RAB15: variants seen among roughly 807,000 people sequenced by gnomAD.
The protein encoded by RAB15 is RAB15, member RAS oncogene family, also known as ras-related protein Rab-15.
Under a neutral mutation model 31.8 loss-of-function variants are expected in RAB15, and 13 were observed. That is an observed-to-expected ratio of 0.41 (90% CI 0.27 to 0.65). The LOEUF (loss-of-function observed/expected upper bound fraction) is 0.65, where lower values mean the gene tolerates loss of function less well. RAB15 is among the 30% of genes least tolerant of loss of function. The pLI is 0.32. For missense variants in RAB15, 220 were observed against 277.3 expected (o/e 0.79, Z 1.47); for synonymous variants, 100 against 105.6 (o/e 0.95, Z 0.33).
chr14:64,951,793 CCCA>C lies in RAB15; in HGVS notation c.186-133_186-131del. The C allele has an allele frequency of 1.3e-6, 1 of 773,764 alleles. No individual in the cohort carries two copies. The allele number at this position is 773,764 out of a possible 1,614,324, so 47.9% of individuals were successfully genotyped here. ...GTGAAAAACCAGGGATGCTTGGATC[CCCA>C]CAGGGATCTGCAGTCAGAGGCCTGG... is the stretch of plus-strand genomic sequence containing the variant. On this transcript the variant is annotated intron_variant, in intron 2 of 6. Transcript: ENST00000533601. The surrounding 1 kb of genome is among the most constrained non-coding windows in gnomAD (Gnocchi z 7.2).
rs1196898552 is a variant in RAB15, at chr14:64,968,256, C to T, written c.124+3697G>A. Among the ~76,000 whole-genome samples, 1 of 152,104 alleles carries T rather than the reference C, an allele frequency of 6.6e-6. No individual in the cohort carries two copies. Among genetic ancestry groups the T allele is most frequent in the Non-Finnish European group, 1.5e-5 (1 of 68,006 alleles). On this transcript the variant is annotated intron_variant, in intron 1 of 6. Transcript: ENST00000533601. The surrounding 1 kb of genome is among the most constrained non-coding windows in gnomAD (Gnocchi z 4.9). ...CTGTTGCATCTAAACTGCCTAGAGC[C>T]CCACGGACACCTACTCAATCCCACC...
chr14:64,950,297 G>C lies in RAB15; in HGVS notation c.414+28C>G, dbSNP rs774052724. On this transcript the variant is annotated intron_variant, in intron 5 of 6. Coordinates refer to ENST00000533601, the MANE Select transcript of RAB15 (RefSeq NM_001308154.2). The surrounding 1 kb of genome is among the most constrained non-coding windows in gnomAD (Gnocchi z 5.6). ...CCTGGAGGCCCAGCAGAGGACCTGG[G>C]GTGGACTTGCCTTTTCCCTCCACTT... is the stretch of plus-strand genomic sequence containing the variant. 45 of 1,586,000 alleles carry C rather than the reference G, an allele frequency of 2.8e-5. No homozygotes were observed. Among genetic ancestry groups the C allele is most frequent in the Non-Finnish European group, 3.9e-5 (45 of 1,154,916 alleles).
chr14:64,962,265 C>T lies in RAB15; in HGVS notation c.124+9688G>A, dbSNP rs548325557. Among the ~76,000 whole-genome samples, 17 of 152,254 alleles carry T rather than the reference C, an allele frequency of 1.1e-4. No homozygotes were observed. The highest frequency in any genetic ancestry group is 4.2e-4 in the South Asian group (2 of 4,816). ...AAAAAACAGTCCCAAGAAACCAATACGACCTATAACTTCCCTCAGGGAAGA... is the reference window on the plus strand; with the variant it reads ...AAAAAACAGTCCCAAGAAACCAATATGACCTATAACTTCCCTCAGGGAAGA... On this transcript the variant is annotated intron_variant, in intron 1 of 6. Coordinates refer to ENST00000533601, the MANE Select transcript of RAB15 (RefSeq NM_001308154.2). The surrounding 1 kb of genome is among the most constrained non-coding windows in gnomAD (Gnocchi z 4.2).
intron 5 of RAB15, among the ~76,000 whole-genome samples, chr14:64,949,309 G>A (rs905140434): frequency 6.6e-6 from 1 of 152,248 alleles, no homozygotes; most frequent in African/African-American, 2.4e-5. Flanking sequence ...CAATGACCAT[G>A]TCTTATATTT....
chr14:64,966,704 A>G (rs1329200119), intron 1 of RAB15, among the ~76,000 whole-genome samples: 1 of 152,164 alleles, frequency 6.6e-6, no homozygotes, highest in Admixed American at 6.5e-5. Flanking sequence ...AAGCACAAAG[A>G]TGTCATCAAA....
chr14:64,962,146 CG>C lies in RAB15; in HGVS notation c.125-9576del, dbSNP rs1423929441. On this transcript the variant is annotated intron_variant, in intron 1 of 6. Transcript: ENST00000533601. The surrounding 1 kb of genome is among the most constrained non-coding windows in gnomAD (Gnocchi z 4.2). ...ATGAGAATCGCTTGAACCTGGGAGG[CG>C]GAAGTTGCAGTGAGCCAAGATTGTG... Among the ~76,000 whole-genome samples the C allele has an allele frequency of 1.3e-5, 2 of 151,746 alleles. No individual in the cohort carries two copies. Among genetic ancestry groups the C allele is most frequent in the Non-Finnish European group, 2.9e-5 (2 of 67,942 alleles).
rs932401427 is a variant in RAB15, at chr14:64,953,563, C to T, written c.125-992G>A. On this transcript the variant is annotated intron_variant, in intron 1 of 6. Transcript: ENST00000533601. This position sits in a 1 kb window ranked among gnomAD's most constrained non-coding sequence, Gnocchi z 4.6. ...GGAGGAGCTAAGCTGCCACGAGACA[C>T]AAGAAACCGAAGGGATTTGGCAAAT... Among the ~76,000 whole-genome samples, 2 of 152,198 alleles carry T rather than the reference C, an allele frequency of 1.3e-5. No homozygotes were observed. Among genetic ancestry groups the T allele is most frequent in the Non-Finnish European group, 2.9e-5 (2 of 68,044 alleles).
intron 5 of RAB15, among the ~76,000 whole-genome samples, chr14:64,949,664 A>T (rs1886121684): frequency 6.7e-6 from 1 of 149,896 alleles, no homozygotes; most frequent in Non-Finnish European, 1.5e-5. Context: ...CAGAGGTTGC[A>T]GTGAGCCGAG....
In RAB15 at chr14:64,953,306, A is replaced by G. The variant is rs892912422; in HGVS notation, c.125-735T>C. ...AGCGTCCATTTCTGCCTCAGTAAAT[A>G]TCTTCATCAGGGACATTACCAGTAT... is the stretch of plus-strand genomic sequence containing the variant. On this transcript the variant is annotated intron_variant, in intron 1 of 6. Transcript: ENST00000533601. This position sits in a 1 kb window ranked among gnomAD's most constrained non-coding sequence, Gnocchi z 4.6. 1.3e-5 allele frequency among the ~76,000 whole-genome samples: 2 copies of G among 152,214 alleles called. No individual in the cohort carries two copies. Among genetic ancestry groups the G allele is most frequent in the Non-Finnish European group, 2.9e-5 (2 of 68,046 alleles).
At chr14:64,959,402 C>A (rs1886738382) in intron 1 of RAB15, among the ~76,000 whole-genome samples, 1 of 152,152 alleles carries the variant, frequency 6.6e-6, no homozygotes, top group South Asian at 2.1e-4. Context: ...CTCCTTACTG[C>A]CCCCTATTTT....
At chr14:64,959,504 A>C (rs1297983883) in intron 1 of RAB15, among the ~76,000 whole-genome samples, 4 of 152,202 alleles carry the variant, frequency 2.6e-5, no homozygotes, top group African/African-American at 4.8e-5. Flanking sequence ...GCTCGTTTTT[A>C]AAATCTCTGC....
chr14:64,951,284 T>G lies in RAB15; in HGVS notation c.247-133A>C. 1.3e-6 allele frequency: 1 copy of G among 746,528 alleles called. No homozygotes were observed. The highest frequency in any genetic ancestry group is 1.7e-5 in the South Asian group (1 of 57,742). The allele number at this position is 746,528 out of a possible 1,614,324, so 46.2% of individuals were successfully genotyped here. On this transcript the variant is annotated intron_variant, in intron 3 of 6. Transcript: ENST00000533601. This position sits in a 1 kb window ranked among gnomAD's most constrained non-coding sequence, Gnocchi z 7.2. ...CCTGCTCAGCATCCAGAAATATCTC[T>G]TCTCTCAGACCCCACCACTGCCGCC... is the stretch of plus-strand genomic sequence containing the variant.
At position 64,962,079 on chromosome 14, in the gene RAB15, G is replaced by A. The variant is rs1056613737; in HGVS notation, c.125-9508C>T. On this transcript the variant is annotated intron_variant, in intron 1 of 6. Coordinates refer to ENST00000533601, the MANE Select transcript of RAB15 (RefSeq NM_001308154.2). The surrounding 1 kb of genome is among the most constrained non-coding windows in gnomAD (Gnocchi z 4.2). ...AAAATACAAAAATTAGCTGGTCGTG[G>A]TGGCAGGCTCCTGGAATCCCAGCTA... 3.9e-5 allele frequency among the ~76,000 whole-genome samples: 6 copies of A among 152,148 alleles called. No individual in the cohort carries two copies. The highest frequency in any genetic ancestry group is 1.4e-4 in the African/African-American group (6 of 41,414).
chr14:64,966,603 CA>C (rs1002536644), intron 1 of RAB15, among the ~76,000 whole-genome samples: 1 of 151,982 alleles, frequency 6.6e-6, no homozygotes, highest in Non-Finnish European at 1.5e-5. Flanking sequence ...AGGGCTCTGC[CA>C]AGTGCTTTAT....
In RAB15 at chr14:64,955,114, A is replaced by C. The variant is rs541663509; in HGVS notation, c.125-2543T>G. 1.3e-5 allele frequency among the ~76,000 whole-genome samples: 2 copies of C among 152,094 alleles called. No individual in the cohort carries two copies. Among genetic ancestry groups the C allele is most frequent in the African/African-American group, 4.8e-5 (2 of 41,398 alleles). On this transcript the variant is annotated intron_variant, in intron 1 of 6. Coordinates refer to ENST00000533601, the MANE Select transcript of RAB15 (RefSeq NM_001308154.2). This position sits in a 1 kb window ranked among gnomAD's most constrained non-coding sequence, Gnocchi z 4.4. ...CTCACACACACCCCACCATCTTGCA[A>C]CCTAGGTCTCACTGGCCACCTGGGA...
chr14:64,964,606 T>TAG (rs1887028973), intron 1 of RAB15, among the ~76,000 whole-genome samples: 1 of 152,018 alleles, frequency 6.6e-6, no homozygotes, highest in Non-Finnish European at 1.5e-5. Flanking sequence ...GATGGAGTCT[T>TAG]GCTCTGTCGC....
chr14:64,948,113 A>G lies in RAB15; in HGVS notation c.*241T>C, dbSNP rs1336683879. ...TGCGGCACATCGTGGGGGTCGTAGCAGGCCTGTGGCTGGGGAAACAGGCTG... is the reference window on the plus strand; with the variant it reads ...TGCGGCACATCGTGGGGGTCGTAGCGGGCCTGTGGCTGGGGAAACAGGCTG... On this transcript the variant is annotated 3_prime_UTR_variant, in exon 7 of 7. Transcript: ENST00000533601. The surrounding 1 kb of genome is among the most constrained non-coding windows in gnomAD (Gnocchi z 7.0). 1.1e-5 allele frequency: 5 copies of G among 450,230 alleles called. No individual in the cohort carries two copies. Among genetic ancestry groups the G allele is most frequent in the African/African-American group, 2.0e-5 (1 of 49,500 alleles). The allele number at this position is 450,230 out of a possible 1,614,324, so 27.9% of individuals were successfully genotyped here.
Position 64,948,344 on chromosome 14 carries a change from C to T in RAB15, c.*10G>A, listed in dbSNP as rs1445022122. Reference sequence around the variant, plus strand: ...AAGAGGGGTGTCGTGTGGGGTGCCCCACACAGGACTCAGCACCAGCAGGTT... The same window carrying T: ...AAGAGGGGTGTCGTGTGGGGTGCCCTACACAGGACTCAGCACCAGCAGGTT... On this transcript the variant is annotated 3_prime_UTR_variant, in exon 7 of 7. Coordinates refer to ENST00000533601, the MANE Select transcript of RAB15 (RefSeq NM_001308154.2). This position sits in a 1 kb window ranked among gnomAD's most constrained non-coding sequence, Gnocchi z 7.0. 6.6e-7 allele frequency: 1 copy of T among 1,524,696 alleles called. No homozygotes were observed. The highest frequency in any genetic ancestry group is 1.4e-5 in the African/African-American group (1 of 72,914). 94.4% of individuals were successfully genotyped at this position (1,524,696 alleles called of 1,614,324 possible). A position where few individuals can be genotyped will look rare whatever the true frequency, so the allele number is the denominator to read the frequency against.
rs1887467058 is a variant in RAB15, at chr14:64,972,183, G to A, written c.-107C>T. On this transcript the variant is annotated 5_prime_UTR_variant, in exon 1 of 7. Transcript: ENST00000533601. The surrounding 1 kb of genome is among the most constrained non-coding windows in gnomAD (Gnocchi z 6.3). ...GCCCGGGGACGCTGCGGGCGGCGAG[G>A]AGGACGCCGGGCCCGGCCCCCGCGG... 1.1e-6 allele frequency: 1 copy of A among 934,960 alleles called. No individual in the cohort carries two copies. Among genetic ancestry groups the A allele is most frequent in the Non-Finnish European group, 1.3e-6 (1 of 760,034 alleles). The allele number at this position is 934,960 out of a possible 1,614,324, so 57.9% of individuals were successfully genotyped here.
Sources: gnomAD v4.1 joint callset for allele counts (sites outside exome capture counted in the v4.1 genomes callset) on GRCh38, gnomAD v4.1.1 for gene constraint, Gnocchi (gnomAD v3.1) non-coding constraint, MANE v1.5 for transcripts, NCBI Gene and HGNC (gene_info 2026-07-23, HGNC 2026-07-21) for gene names.